LRRC63: variants seen among roughly 807,000 people sequenced by gnomAD.
LRRC63 encodes the protein leucine-rich repeat-containing protein 63.
Under a neutral mutation model 49.5 loss-of-function variants are expected in LRRC63, and 40 were observed. The observed-to-expected ratio is 0.81, with a 90% CI of 0.63 to 1.05. The LOEUF is 1.05. Among genes scored for constraint, LRRC63 ranks in the 50% least tolerant of loss-of-function variants. The probability of loss-of-function intolerance (pLI) is 0.00; values close to 1 mark genes in which losing one functional copy is unlikely to be tolerated. For missense variants in LRRC63, 636 were observed against 663.1 expected (o/e 0.96, Z 0.45); for synonymous variants, 191 against 221.1 (o/e 0.86, Z 1.21).
intron 2 of LRRC63, among the ~76,000 whole-genome samples, chr13:46,215,137 A>T (rs2046212272): frequency 6.6e-6 from 1 of 152,190 alleles, no homozygotes; most frequent in African/African-American, 2.4e-5. Context: ...CAGTAATGGG[A>T]TTGCTGGATC....
intron 7 of LRRC63, among the ~76,000 whole-genome samples, chr13:46,258,538 G>GCT (rs1594089218): frequency 6.6e-6 from 1 of 151,314 alleles, no homozygotes; most frequent in Non-Finnish European, 1.5e-5. Context: ...GGCTGGGCAT[G>GCT]GTGGCTCACG....
chr13:46,220,213 T>C (rs1230437), intron 2 of LRRC63, among the ~76,000 whole-genome samples: 72,693 of 152,010 alleles, frequency 0.48, 19,157 homozygotes, highest in African/African-American at 0.68. Flanking sequence ...CATGGCCGCC[T>C]CTTCCCCCAG....
intron 9 of LRRC63, among the ~76,000 whole-genome samples, chr13:46,274,914 C>G (rs1478238123): frequency 6.6e-6 from 1 of 152,094 alleles, no homozygotes; most frequent in Non-Finnish European, 1.5e-5. Context: ...CTATATTCAC[C>G]TACAGTGCTA....
intron 7 of LRRC63, 97 bp downstream of exon 7, chr13:46,250,588 T>A: frequency 9.6e-7 from 1 of 1,040,280 alleles, no homozygotes; most frequent in Non-Finnish European, 1.4e-6. Flanking sequence ...GCTTTTTGGC[T>A]ATTTAGTAAT....
chr13:46,246,960 AG>A (rs2047230371), intron 6 of LRRC63, among the ~76,000 whole-genome samples: 1 of 152,164 alleles, frequency 6.6e-6, no homozygotes, highest in South Asian at 2.1e-4. Context: ...TTAAAAACAA[AG>A]TAAACATGCA....
chr13:46,237,552 G>A (rs1399943601), intron 5 of LRRC63, among the ~76,000 whole-genome samples: 16 of 151,884 alleles, frequency 1.1e-4, no homozygotes, highest in Admixed American at 9.8e-4. Context: ...AAGAAAGAGA[G>A]CAAACTAAAT....
chr13:46,218,250 G>A (rs1249099355), intron 2 of LRRC63, among the ~76,000 whole-genome samples: 1 of 152,148 alleles, frequency 6.6e-6, no homozygotes, highest in Non-Finnish European at 1.5e-5. Flanking sequence ...CTCTTTGAAG[G>A]TTTCTAAGAA....
chr13:46,265,024 G>T (rs984206099), intron 8 of LRRC63, among the ~76,000 whole-genome samples: 2 of 152,138 alleles, frequency 1.3e-5, no homozygotes, highest in African/African-American at 4.8e-5. Context: ...AGGCGTGGTG[G>T]TGGTGGATGC....
At chr13:46,270,674 C>G in intron 9 of LRRC63, 1 of 749,340 alleles carries the variant, frequency 1.3e-6, no homozygotes, top group East Asian at 2.8e-5. Flanking sequence ...CTGGCCTAAA[C>G]CATCAGTGCA....
intron 1 of LRRC63, among the ~76,000 whole-genome samples, 153 bp from the exon 2 acceptor site, chr13:46,212,849 T>G (rs2138327479): frequency 6.6e-6 from 1 of 152,334 alleles, no homozygotes; most frequent in African/African-American, 2.4e-5. Context: ...AAGAATTATT[T>G]TCTTACCCTC....
At chr13:46,237,187 C>T (rs532168986) in intron 5 of LRRC63, among the ~76,000 whole-genome samples, 38 of 152,000 alleles carry the variant, frequency 2.5e-4, no homozygotes, top group Admixed American at 5.9e-4. Context: ...AATGTAAAGG[C>T]AGTAAAAGTA....
intron 4 of LRRC63, among the ~76,000 whole-genome samples, chr13:46,230,677 T>C (rs1347757505): frequency 6.6e-6 from 1 of 152,224 alleles, no homozygotes; most frequent in African/African-American, 2.4e-5. Context: ...TTTTTAGTTA[T>C]GCACATCTCT....
intron 7 of LRRC63, among the ~76,000 whole-genome samples, chr13:46,252,831 C>T (rs1481174318): frequency 6.6e-6 from 1 of 151,790 alleles, no homozygotes; most frequent in Non-Finnish European, 1.5e-5. Flanking sequence ...GGTTTTGAAG[C>T]TTAGAGGGCA....
At position 46,276,826 on chromosome 13, in the gene LRRC63, GTGTATATATATATATATATATATATT is replaced by G. The variant is rs767248080; in HGVS notation, c.*25_*50del. On this transcript the variant is annotated 3_prime_UTR_variant, in exon 10 of 10. Coordinates refer to ENST00000595396, the Ensembl canonical transcript of LRRC63. ...TAGTACAATGATTTATCGTATGTGTGTGTATATATATATATATATATATATTTATATATATATATATTTATATATAT... is the reference window on the plus strand; with the variant it reads ...TAGTACAATGATTTATCGTATGTGTGTATATATATATATATTTATATATAT... The G allele has an allele frequency of 4.8e-5, 8 of 165,324 alleles. 1 individual carries two copies. Among genetic ancestry groups the G allele is most frequent in the Non-Finnish European group, 8.6e-5 (8 of 93,056 alleles). The allele number at this position is 165,324 out of a possible 1,614,324, so 10.2% of individuals were successfully genotyped here.
intron 3 of LRRC63, 123 bp downstream of exon 3, chr13:46,228,312 T>TTA: frequency 1.4e-6 from 1 of 726,426 alleles, no homozygotes; most frequent in Admixed American, 2.9e-5. Flanking sequence ...GAATCACCTT[T>TTA]TATATATACA....
In LRRC63 at chr13:46,265,203, T is replaced by C. The variant is rs181159424; in HGVS notation, c.1311-1530T>C. Among the ~76,000 whole-genome samples, 58 of 151,964 alleles carry C rather than the reference T, an allele frequency of 3.8e-4. 1 individual carries two copies. The highest frequency in any genetic ancestry group is 2.1e-3 in the Admixed American group (32 of 15,272). On this transcript the variant is annotated intron_variant, in intron 8 of 9. Coordinates refer to ENST00000595396, the Ensembl canonical transcript of LRRC63. The stretch of plus-strand genomic sequence containing the variant: ...GCCTGCCTAGCTCTCTTAGAACTCA[T>C]TGAGGGGAAGGAGGCAGCTAAACAG...
At chr13:46,256,415 AAGAC>A (rs1349279161) in intron 7 of LRRC63, among the ~76,000 whole-genome samples, 1 of 152,212 alleles carries the variant, frequency 6.6e-6, no homozygotes, top group Non-Finnish European at 1.5e-5. Flanking sequence ...GTGATTCTAA[AAGAC>A]AGAGCCAGAA....
chr13:46,266,541 T>C (rs950897578), intron 8 of LRRC63, among the ~76,000 whole-genome samples, 192 bp from the exon 9 acceptor site: 6 of 152,230 alleles, frequency 3.9e-5, no homozygotes, highest in Non-Finnish European at 7.3e-5. Context: ...AAGGCACTTA[T>C]TTGCATAATA....
chr13:46,235,100 G>C (rs537752307), intron 5 of LRRC63, among the ~76,000 whole-genome samples: 3 of 152,054 alleles, frequency 2.0e-5, no homozygotes, highest in Non-Finnish European at 4.4e-5. Context: ...AAGACCCTAA[G>C]CTTTCACATT....
Sources: allele counts gnomAD v4.1 joint callset (sites outside exome capture counted in the v4.1 genomes callset), GRCh38; gene constraint gnomAD v4.1.1; transcripts MANE v1.5; gene names NCBI Gene and HGNC (gene_info 2026-07-23, HGNC 2026-07-21).